Variants in KCNAB1 observed in about 807,000 individuals in gnomAD.
KCNAB1 encodes potassium voltage-gated channel subfamily A regulatory beta subunit 1.
In KCNAB1, 35 loss-of-function variants were observed where a neutral mutation model predicts 64.6. That is an observed-to-expected ratio of 0.54 (90% CI 0.41 to 0.72). The LOEUF is 0.72. Among genes scored for constraint, KCNAB1 ranks in the 30% least tolerant of loss-of-function variants. The probability of loss-of-function intolerance (pLI) is 0.00; values close to 1 mark genes in which losing one functional copy is unlikely to be tolerated. For missense variants in KCNAB1, 401 were observed against 512.9 expected (o/e 0.78, Z 2.11); for synonymous variants, 177 against 183.8 (o/e 0.96, Z 0.30).
chr3:156,349,642 C>T (rs1209294343), intron 1 of KCNAB1, among the ~76,000 whole-genome samples: 6 of 152,162 alleles, frequency 3.9e-5, no homozygotes, highest in Admixed American at 2.6e-4. Context: ...CCTCACTACA[C>T]CTTGGCCTCC....
At chr3:156,245,319 G>C (rs1003383881) in intron 1 of KCNAB1, among the ~76,000 whole-genome samples, 1 of 152,016 alleles carries the variant, frequency 6.6e-6, no homozygotes, top group African/African-American at 2.4e-5. Context: ...ATTATTTTGA[G>C]ATAATTCTAG....
chr3:156,152,182 A>G (rs955666042), intron 1 of KCNAB1, among the ~76,000 whole-genome samples: 1 of 152,216 alleles, frequency 6.6e-6, no homozygotes, highest in Non-Finnish European at 1.5e-5. Flanking sequence ...ATTAGCCTAC[A>G]TAAATCCGGT....
At chr3:156,221,883 A>G (rs1218925628) in intron 1 of KCNAB1, among the ~76,000 whole-genome samples, 11 of 151,940 alleles carry the variant, frequency 7.2e-5, no homozygotes, top group Non-Finnish European at 1.5e-5. Flanking sequence ...ATTTTCCATT[A>G]CCAAGCCAGC....
intron 1 of KCNAB1, among the ~76,000 whole-genome samples, chr3:156,159,183 G>T (rs556554597): frequency 6.6e-6 from 1 of 152,246 alleles, no homozygotes; most frequent in African/African-American, 2.4e-5. Context: ...AATTGGGAAT[G>T]ACACTACTCT....
intron 1 of KCNAB1, among the ~76,000 whole-genome samples, chr3:156,345,878 G>A (rs931161468): frequency 9.2e-5 from 14 of 152,144 alleles, no homozygotes; most frequent in Admixed American, 1.3e-4. Flanking sequence ...GATGTCTTAC[G>A]CTGTGCTACT....
intron 1 of KCNAB1, among the ~76,000 whole-genome samples, chr3:156,199,879 C>G (rs569197394): frequency 7.9e-5 from 12 of 152,314 alleles, no homozygotes; most frequent in African/African-American, 2.9e-4. Flanking sequence ...AAGTTGTGAT[C>G]CTTTGGAGGA....
rs182889938 is a variant in KCNAB1, at chr3:156,210,517, A to G, written c.275+89631A>G. 1.0e-3 allele frequency among the ~76,000 whole-genome samples: 155 copies of G among 152,324 alleles called. 1 individual carries two copies. Among genetic ancestry groups the G allele is most frequent in the African/African-American group, 3.6e-3 (149 of 41,578 alleles). ...GAGAGCCAGTCATCATGATATTTAC[A>G]AAACACTCGCATCATCCATTCATCT... On this transcript the variant is annotated intron_variant, in intron 1 of 13. Transcript: ENST00000490337.
intron 1 of KCNAB1, among the ~76,000 whole-genome samples, chr3:156,140,193 T>C (rs1714624917): frequency 6.6e-6 from 1 of 152,228 alleles, no homozygotes; most frequent in Non-Finnish European, 1.5e-5. Flanking sequence ...TGCAATGTAA[T>C]AACATTCTTC....
At chr3:156,211,327 T>A (rs980435183) in intron 1 of KCNAB1, among the ~76,000 whole-genome samples, 2 of 152,234 alleles carry the variant, frequency 1.3e-5, no homozygotes, top group Admixed American at 6.5e-5. Flanking sequence ...AATTATTACT[T>A]TTGAACTTGT....
At chr3:156,296,476 C>CCCT (rs1560180770) in intron 1 of KCNAB1, among the ~76,000 whole-genome samples, 3 of 111,066 alleles carry the variant, frequency 2.7e-5, no homozygotes, top group Non-Finnish European at 3.8e-5. Context: ...CCCCCCCCAC[C>CCCT]TTTTTTTTTT....
intron 1 of KCNAB1, among the ~76,000 whole-genome samples, chr3:156,242,781 T>C (rs1231317655): frequency 1.3e-5 from 2 of 148,840 alleles, no homozygotes; most frequent in Non-Finnish European, 3.0e-5. Context: ...CAGTCTCTAT[T>C]TTTTCAAGTT....
At chr3:156,125,200 C>A (rs967374444) in intron 1 of KCNAB1, among the ~76,000 whole-genome samples, 1 of 151,614 alleles carries the variant, frequency 6.6e-6, no homozygotes, top group South Asian at 2.1e-4. Context: ...GAAAGAGGAA[C>A]GTGCTTTGTT....
chr3:156,523,442 T>A (rs1439882733), intron 11 of KCNAB1, among the ~76,000 whole-genome samples: 1 of 152,132 alleles, frequency 6.6e-6, no homozygotes, highest in Admixed American at 6.5e-5. Flanking sequence ...AAAGGAGACA[T>A]AATAGATCTT....
chr3:156,417,988 T>G (rs558242058), intron 1 of KCNAB1, among the ~76,000 whole-genome samples: 15 of 152,390 alleles, frequency 9.8e-5, no homozygotes, highest in African/African-American at 3.6e-4. Flanking sequence ...ATTGATGTCA[T>G]TTGTTTCTAA....
chr3:156,260,544 T>C (rs1718372278), intron 1 of KCNAB1, among the ~76,000 whole-genome samples: 1 of 152,206 alleles, frequency 6.6e-6, no homozygotes, highest in Non-Finnish European at 1.5e-5. Flanking sequence ...TTTGTCTAGC[T>C]CCTTTCACTT....
chr3:156,369,207 T>C (rs1482200031), intron 1 of KCNAB1, among the ~76,000 whole-genome samples: 1 of 152,266 alleles, frequency 6.6e-6, no homozygotes, highest in African/African-American at 2.4e-5. Flanking sequence ...TTTTTCAGAA[T>C]GTATCATTTT....
chr3:156,362,405 G>C (rs2108109636), intron 1 of KCNAB1, among the ~76,000 whole-genome samples: 1 of 152,336 alleles, frequency 6.6e-6, no homozygotes, highest in African/African-American at 2.4e-5. Flanking sequence ...TATCACAACT[G>C]TATATCACTG....
At chr3:156,443,293 G>T (rs1311979537) in intron 2 of KCNAB1, among the ~76,000 whole-genome samples, 1 of 152,168 alleles carries the variant, frequency 6.6e-6, no homozygotes, top group East Asian at 1.9e-4. Context: ...AGTGGGGAAG[G>T]CATTCAGCAG....
intron 1 of KCNAB1, among the ~76,000 whole-genome samples, chr3:156,416,386 C>T (rs1173861230): frequency 1.3e-5 from 2 of 152,200 alleles, no homozygotes; most frequent in African/African-American, 4.8e-5. Context: ...CTCAATTACC[C>T]ATGCTTCTTC....
Sources: gnomAD v4.1 joint callset for allele counts (sites outside exome capture counted in the v4.1 genomes callset) on GRCh38, gnomAD v4.1.1 for gene constraint, MANE v1.5 for transcripts, NCBI Gene and HGNC (gene_info 2026-07-23, HGNC 2026-07-21) for gene names.